The following KANSL1L variants were observed in gnomAD, a reference collection of about 807,000 sequenced individuals.
KANSL1L encodes the protein KAT8 regulatory NSL complex subunit 1 like, also known as KAT8 regulatory NSL complex subunit 1-like protein.
Under a neutral mutation model 108.6 loss-of-function variants are expected in KANSL1L, and 25 were observed. The ratio of observed to expected loss-of-function variants is 0.23; its 90% CI spans 0.17 to 0.32. The LOEUF is 0.32. Ranked by LOEUF, KANSL1L falls within the 10% of genes least tolerant of loss-of-function variation. KANSL1L has a pLI of 1.00. For synonymous variants in KANSL1L, 405 were observed against 395.1 expected, an observed-to-expected ratio of 1.03 and a Z score of -0.30; for missense variants, 1,137 against 1,125.7, an observed-to-expected ratio of 1.01 and a Z score of -0.14.
chr2:210,133,687 C>T (rs1472518900), intron 2 of KANSL1L, among the ~76,000 whole-genome samples: 1 of 152,058 alleles, frequency 6.6e-6, no homozygotes, highest in East Asian at 1.9e-4. Context: ...ACATGTATAG[C>T]CATACAGCAT....
chr2:210,055,518 C>T (rs955268052), intron 6 of KANSL1L, among the ~76,000 whole-genome samples: 1 of 152,090 alleles, frequency 6.6e-6, no homozygotes, highest in Non-Finnish European at 1.5e-5. Context: ...CTTGGAGGCT[C>T]ACAAGACAGG....
intron 1 of KANSL1L, among the ~76,000 whole-genome samples, chr2:210,158,207 T>C (rs543333835): frequency 1.8e-4 from 27 of 152,286 alleles, no homozygotes; most frequent in African/African-American, 5.8e-4. Flanking sequence ...AGATGACTTC[T>C]GAGATTAGGT....
At chr2:210,057,557 C>T (rs970366759) in intron 6 of KANSL1L, among the ~76,000 whole-genome samples, 13 of 151,958 alleles carry the variant, frequency 8.6e-5, no homozygotes, top group South Asian at 6.2e-4. Flanking sequence ...AAAAATTAGC[C>T]GGGCGTGGTG....
chr2:210,168,015 C>G (rs1480382675), intron 1 of KANSL1L, among the ~76,000 whole-genome samples: 1 of 151,952 alleles, frequency 6.6e-6, no homozygotes, highest in African/African-American at 2.4e-5. Flanking sequence ...ATCTTCCTTG[C>G]CTTTCTAAAT....
chr2:210,172,615 AATTG>A (rs1366250336), upstream of KANSL1L, among the ~76,000 whole-genome samples: 1 of 152,238 alleles, frequency 6.6e-6, no homozygotes, highest in Non-Finnish European at 1.5e-5. Flanking sequence ...AATTTTAGGA[AATTG>A]ATTTACTTTC....
At position 210,022,386 on chromosome 2, in the gene KANSL1L, T is replaced by TATC. The variant is rs1481708070; in HGVS notation, c.*560_*562dup. 2 of 152,712 alleles carry TATC rather than the reference T, an allele frequency of 1.3e-5. No individual in the cohort carries two copies. The highest frequency in any genetic ancestry group is 4.8e-5 in the African/African-American group (2 of 41,440). The allele number at this position is 152,712 out of a possible 1,614,324, so 9.5% of individuals were successfully genotyped here. A position where few individuals can be genotyped will look rare whatever the true frequency, so the allele number is the denominator to read the frequency against. On this transcript the variant is annotated 3_prime_UTR_variant, in exon 15 of 15. Transcript: ENST00000281772. ...CTTTTATTAGTGGAAACCTGTGTTT[T>TATC]ATCTATTCTGCAGCTTACATTTCAT...
chr2:210,157,902 C>A (rs1415841605), intron 1 of KANSL1L, among the ~76,000 whole-genome samples: 16 of 147,750 alleles, frequency 1.1e-4, no homozygotes, highest in South Asian at 2.1e-4. Context: ...AAGACCCTGT[C>A]AAAAAAAAAG....
chr2:210,155,426 G>T (rs1264151929), intron 1 of KANSL1L: 2 of 152,036 alleles, frequency 1.3e-5, no homozygotes, highest in African/African-American at 4.8e-5. Flanking sequence ...AAAAGAAAAA[G>T]ATGACCTAAG....
At chr2:210,121,339 T>C (rs2095018556) in intron 3 of KANSL1L, among the ~76,000 whole-genome samples, 1 of 152,202 alleles carries the variant, frequency 6.6e-6, no homozygotes, top group Non-Finnish European at 1.5e-5. Flanking sequence ...GATCATGTCC[T>C]TTGCAGAAAC....
At chr2:210,036,151 A>T (rs1335952055) in intron 8 of KANSL1L, among the ~76,000 whole-genome samples, 1 of 152,036 alleles carries the variant, frequency 6.6e-6, no homozygotes, top group Admixed American at 6.6e-5. Flanking sequence ...TCTGCCTTCT[A>T]AGTAGTTACA....
At chr2:210,029,961 C>CT in intron 9 of KANSL1L, 43 bp from the exon 10 acceptor site, 1 of 916,874 alleles carries the variant, frequency 1.1e-6, no homozygotes, top group Non-Finnish European at 1.7e-6. Flanking sequence ...TTAAACAAGT[C>CT]TAATATCATT....
chr2:210,121,623 C>T (rs567633255), intron 3 of KANSL1L, among the ~76,000 whole-genome samples: 17 of 152,054 alleles, frequency 1.1e-4, no homozygotes, highest in Admixed American at 9.2e-4. Context: ...GTAACACACC[C>T]GCACTTGTAC....
chr2:210,093,618 T>C (rs77743181), intron 5 of KANSL1L, among the ~76,000 whole-genome samples: 1,634 of 152,330 alleles, frequency 0.011, 24 homozygotes, highest in African/African-American at 0.035. Context: ...CTTTTTGAGC[T>C]CTGGCTTTCT....
At chr2:210,067,894 T>C (rs1019666561) in intron 6 of KANSL1L, among the ~76,000 whole-genome samples, 1 of 152,094 alleles carries the variant, frequency 6.6e-6, no homozygotes, top group Non-Finnish European at 1.5e-5. Flanking sequence ...TTTATTTATT[T>C]AGAGATGGAG....
chr2:210,069,953 C>T (rs1483122088), intron 6 of KANSL1L, among the ~76,000 whole-genome samples: 1 of 150,090 alleles, frequency 6.7e-6, no homozygotes, highest in Non-Finnish European at 1.5e-5. Flanking sequence ...CTCAGCCTCC[C>T]GAGTAGCTGG....
At chr2:210,089,048 A>C (rs574018556) in intron 5 of KANSL1L, 7 of 162,966 alleles carry the variant, frequency 4.3e-5, no homozygotes, top group Non-Finnish European at 8.2e-5. Context: ...ATTTACCCTC[A>C]CAAATGGGTG....
At chr2:210,123,498 G>A (rs1049793220) in intron 3 of KANSL1L, among the ~76,000 whole-genome samples, 1 of 152,000 alleles carries the variant, frequency 6.6e-6, no homozygotes, top group South Asian at 2.1e-4. Flanking sequence ...TTGAACTCAT[G>A]GAGATAGTAG....
chr2:210,033,901 T>C (rs772166241), intron 8 of KANSL1L, among the ~76,000 whole-genome samples: 1 of 152,130 alleles, frequency 6.6e-6, no homozygotes, highest in Non-Finnish European at 1.5e-5. Context: ...TCCTTCTAAT[T>C]CGTTACTGTC....
intron 5 of KANSL1L, chr2:210,088,711 CTTG>C (rs2094663134): frequency 6.6e-6 from 1 of 152,480 alleles, no homozygotes; most frequent in African/African-American, 2.4e-5. Flanking sequence ...TGGGCATTGG[CTTG>C]TTACCTGTAA....
Sources: gnomAD v4.1 joint callset for allele counts (sites outside exome capture counted in the v4.1 genomes callset) on GRCh38, gnomAD v4.1.1 for gene constraint, MANE v1.5 for transcripts, NCBI Gene and HGNC (gene_info 2026-07-23, HGNC 2026-07-21) for gene names.